GFRAL: variants seen among roughly 807,000 people sequenced by gnomAD.
GFRAL encodes GDNF family receptor alpha-like.
GFRAL carries 36 observed loss-of-function variants against 45.4 expected under a neutral mutation model. The ratio of observed to expected loss-of-function variants is 0.79; its 90% CI spans 0.61 to 1.05. The LOEUF is 1.05. GFRAL is among the 50% of genes least tolerant of loss of function. The pLI, the probability that GFRAL is intolerant of heterozygous loss-of-function variation, is 0.00. For missense variants in GFRAL, 507 were observed against 467.5 expected, an observed-to-expected ratio of 1.08 and a Z score of -0.78; for synonymous variants, 166 against 154.1, an observed-to-expected ratio of 1.08 and a Z score of -0.57.
chr6:55,371,214 T>C (rs1222742291), intron 6 of GFRAL, among the ~76,000 whole-genome samples: 1 of 152,260 alleles, frequency 6.6e-6, no homozygotes. Flanking sequence ...TTACAATTGC[T>C]ATTGAAAGTC....
chr6:55,390,490 A>G (rs527875225), intron 6 of GFRAL, among the ~76,000 whole-genome samples: 3 of 152,332 alleles, frequency 2.0e-5, no homozygotes, highest in African/African-American at 7.2e-5. Context: ...ACTCTTAAAT[A>G]TCTGCATGAA....
At chr6:55,356,904 T>C (rs1375905879) in intron 5 of GFRAL, among the ~76,000 whole-genome samples, 1 of 151,996 alleles carries the variant, frequency 6.6e-6, no homozygotes, top group Admixed American at 6.6e-5. Flanking sequence ...CCATTTTCAT[T>C]GTTTTAATAC....
chr6:55,364,235 T>A (rs1012090067), intron 6 of GFRAL, among the ~76,000 whole-genome samples: 5 of 151,590 alleles, frequency 3.3e-5, no homozygotes, highest in Non-Finnish European at 5.9e-5. Context: ...ATAAATGTCT[T>A]CTTTTGAGAA....
intron 6 of GFRAL, among the ~76,000 whole-genome samples, chr6:55,365,218 A>G (rs1357377438): frequency 6.9e-6 from 1 of 145,312 alleles, no homozygotes; most frequent in African/African-American, 2.7e-5. Flanking sequence ...ATGGGAGTTC[A>G]CTCTTGATTT....
intron 3 of GFRAL, among the ~76,000 whole-genome samples, chr6:55,348,406 C>A (rs922565294): frequency 6.6e-5 from 10 of 152,042 alleles, no homozygotes; most frequent in African/African-American, 2.4e-4. Flanking sequence ...GTGTTGGTAA[C>A]AAGTACTCAT....
At chr6:55,334,039 G>T in intron 3 of GFRAL, 95 bp downstream of exon 3, 1 of 782,360 alleles carries the variant, frequency 1.3e-6, no homozygotes, top group Admixed American at 2.9e-5. Flanking sequence ...AATGTTTTTT[G>T]TAATTTGATT....
chr6:55,341,183 C>T (rs368494557), intron 3 of GFRAL, among the ~76,000 whole-genome samples: 2 of 152,170 alleles, frequency 1.3e-5, no homozygotes, highest in Admixed American at 6.5e-5. Context: ...TAGTGGTTCT[C>T]GCAGCACAGA....
At chr6:55,338,203 G>C (rs183174090) in intron 3 of GFRAL, among the ~76,000 whole-genome samples, 1 of 151,998 alleles carries the variant, frequency 6.6e-6, no homozygotes, top group Non-Finnish European at 1.5e-5. Context: ...CTATTCCTCT[G>C]CCTCAGCCCC....
intron 6 of GFRAL, among the ~76,000 whole-genome samples, chr6:55,372,175 G>A (rs938130025): frequency 2.6e-5 from 4 of 152,084 alleles, no homozygotes; most frequent in African/African-American, 7.2e-5. Context: ...CACCCTGAAT[G>A]CTCCTCTTAT....
intron 6 of GFRAL, among the ~76,000 whole-genome samples, chr6:55,378,072 C>T (rs1768557961): frequency 6.6e-6 from 1 of 151,986 alleles, no homozygotes; most frequent in African/African-American, 2.4e-5. Flanking sequence ...GGGGTGACCC[C>T]ACTAGCCTTG....
chr6:55,334,016 A>G (rs929203803), intron 3 of GFRAL, 72 bp downstream of exon 3: 11 of 844,286 alleles, frequency 1.3e-5, no homozygotes, highest in Non-Finnish European at 1.8e-5. Context: ...AACCACATCT[A>G]TGTAATGTGA....
In GFRAL at chr6:55,342,896, A is replaced by G. The variant is rs190810306; in HGVS notation, c.317-7196A>G. On this transcript the variant is annotated intron_variant, in intron 3 of 8. Transcript: ENST00000340465. ...GCAATCCTAGTCTCTGATAAAACAGACTTTAAAACAACAAAGATCAAAAGA... is the reference window on the plus strand; with the variant it reads ...GCAATCCTAGTCTCTGATAAAACAGGCTTTAAAACAACAAAGATCAAAAGA... Among the ~76,000 whole-genome samples the G allele has an allele frequency of 6.9e-3, 1,048 of 152,286 alleles. 5 individuals are homozygous for G. The highest frequency in any genetic ancestry group is 0.014 in the Middle Eastern group (4 of 294).
Position 55,399,379 on chromosome 6 carries a change from C to T in GFRAL, c.1059C>T (p.Ile353=). 1.2e-6 allele frequency: 2 copies of T among 1,608,444 alleles called. No individual in the cohort carries two copies. Among genetic ancestry groups the T allele is most frequent in the Admixed American group, 1.7e-5 (1 of 59,940 alleles). The change falls in exon 8 of 9, where the codon ATC becomes ATT. Residue 353 remains isoleucine, a synonymous_variant. Transcript: ENST00000340465. The part of the protein sequence containing the change: ...GFHSPFNGEV[I]YAAMCMTVTC... ...TTTTTCTTTTTCTAGGAGAAGTAAT[C>T]TATGCTGCCATGTGCATGACAGTCA...
intron 6 of GFRAL, among the ~76,000 whole-genome samples, chr6:55,374,242 T>G (rs572043698): frequency 3.9e-5 from 6 of 152,232 alleles, no homozygotes; most frequent in Non-Finnish European, 8.8e-5. Flanking sequence ...TACAATGATT[T>G]ATATTCCTTT....
chr6:55,366,461 G>A (rs1231335529), intron 6 of GFRAL, among the ~76,000 whole-genome samples: 1 of 144,704 alleles, frequency 6.9e-6, no homozygotes, highest in Admixed American at 6.8e-5. Context: ...TCTGATTTTA[G>A]TTATTTCTTG....
intron 6 of GFRAL, among the ~76,000 whole-genome samples, chr6:55,396,390 C>A (rs1331756070): frequency 1.3e-5 from 2 of 151,992 alleles, no homozygotes; most frequent in Non-Finnish European, 2.9e-5. Context: ...TTTTTTCTTT[C>A]AAAATAATAC....
At position 55,327,523 on chromosome 6, in the gene GFRAL, T is replaced by C; in HGVS notation, c.-32T>C. 6.2e-7 allele frequency: 1 copy of C among 1,612,198 alleles called. No individual in the cohort carries two copies. The highest frequency in any genetic ancestry group is 8.5e-7 in the Non-Finnish European group (1 of 1,178,806). On this transcript the variant is annotated 5_prime_UTR_variant, in exon 1 of 9. Coordinates refer to ENST00000340465, the MANE Select transcript of GFRAL (RefSeq NM_207410.2). ...TGTCAGAAGAAACGCATCTGCCTTT[T>C]TTTCCAGGTGAACTGCCGTGAGTTG...
At chr6:55,387,805 G>A (rs1180143696) in intron 6 of GFRAL, among the ~76,000 whole-genome samples, 1 of 152,104 alleles carries the variant, frequency 6.6e-6, no homozygotes, top group Non-Finnish European at 1.5e-5. Context: ...CAGGCTAAAA[G>A]TTGCAAGAAT....
At chr6:55,340,892 G>C (rs574795164) in intron 3 of GFRAL, among the ~76,000 whole-genome samples, 32 of 152,350 alleles carry the variant, frequency 2.1e-4, no homozygotes, top group Non-Finnish European at 4.3e-4. Flanking sequence ...TGCCTGGCTT[G>C]GAGGGTCCCA....
Sources: allele counts gnomAD v4.1 joint callset (sites outside exome capture counted in the v4.1 genomes callset), GRCh38; gene constraint gnomAD v4.1.1; transcripts MANE v1.5; gene names NCBI Gene and HGNC (gene_info 2026-07-23, HGNC 2026-07-21).